PDLIM3: variants seen among roughly 807,000 people sequenced by gnomAD.
The protein encoded by PDLIM3 is PDZ and LIM domain 3.
In PDLIM3, 36 loss-of-function variants were observed where a neutral mutation model predicts 37.3. The ratio of observed to expected loss-of-function variants is 0.97; its 90% CI spans 0.74 to 1.28. The LOEUF is 1.28. Ranked by LOEUF, PDLIM3 falls within the 50% of genes most tolerant of loss-of-function variation. The pLI is 0.00. For synonymous variants in PDLIM3, 174 were observed against 182.4 expected (o/e 0.95, Z 0.37); for missense variants, 454 against 485.0 (o/e 0.94, Z 0.60).
chr4:185,501,607 A>G lies in PDLIM3; in HGVS notation c.*687T>C, dbSNP rs1411616393. The stretch of plus-strand genomic sequence containing the variant: ...TTCTATCATCAGAAATTTTGTGCTC[A>G]TAAGAAAGAGTAATGAGTTATAAAA... On this transcript the variant is annotated 3_prime_UTR_variant, in exon 8 of 8. Coordinates refer to ENST00000284767, the MANE Select transcript of PDLIM3 (RefSeq NM_014476.6). 6.6e-6 allele frequency: 1 copy of G among 152,410 alleles called. No individual in the cohort carries two copies. The highest frequency in any genetic ancestry group is 1.5e-5 in the Non-Finnish European group (1 of 68,184). The allele number at this position is 152,410 out of a possible 1,614,324, so 9.4% of individuals were successfully genotyped here. A position where few individuals can be genotyped will look rare whatever the true frequency, so the allele number is the denominator to read the frequency against.
At chr4:185,512,579 G>T in intron 4 of PDLIM3, 1 of 799,110 alleles carries the variant, frequency 1.3e-6, no homozygotes, top group Non-Finnish European at 1.5e-6. Flanking sequence ...ATATACCTAG[G>T]ATTCTCTGAC....
intron 6 of PDLIM3, 47 bp downstream of exon 6, chr4:185,506,475 C>A: frequency 1.2e-6 from 2 of 1,611,322 alleles, no homozygotes; most frequent in Non-Finnish European, 8.5e-7. Context: ...CCGCCCCCTG[C>A]AGTGGCCTCT....
chr4:185,526,094 G>A (rs2095733667), intron 1 of PDLIM3, among the ~76,000 whole-genome samples: 1 of 152,242 alleles, frequency 6.6e-6, no homozygotes, highest in African/African-American at 2.4e-5. Context: ...GCAAAGGCAA[G>A]ACATGAGCAC....
intron 4 of PDLIM3, among the ~76,000 whole-genome samples, chr4:185,509,529 A>T (rs2095703359): frequency 6.6e-6 from 1 of 152,240 alleles, no homozygotes; most frequent in Non-Finnish European, 1.5e-5. Context: ...GATAGGGGTC[A>T]GTTAACAACT....
chr4:185,505,583 T>TG (rs2095695345), intron 6 of PDLIM3, among the ~76,000 whole-genome samples: 1 of 150,844 alleles, frequency 6.6e-6, no homozygotes, highest in African/African-American at 2.4e-5. Context: ...ATTGTGCCAC[T>TG]CACTCTAGCC....
chr4:185,503,368 C>A (rs551020201), intron 7 of PDLIM3, among the ~76,000 whole-genome samples: 1 of 152,208 alleles, frequency 6.6e-6, no homozygotes, highest in South Asian at 2.1e-4. Flanking sequence ...CTTCTGGTAA[C>A]GTCAGGCACT....
intron 4 of PDLIM3, chr4:185,512,985 C>T: frequency 2.0e-6 from 2 of 985,376 alleles, no homozygotes; most frequent in Non-Finnish European, 2.4e-6. Flanking sequence ...CTTCTTGCCA[C>T]TTGCTTGGGA....
intron 3 of PDLIM3, among the ~76,000 whole-genome samples, chr4:185,518,476 A>G (rs2095718045): frequency 6.6e-6 from 1 of 152,068 alleles, no homozygotes; most frequent in African/African-American, 2.4e-5. Flanking sequence ...ATATGTATAC[A>G]TATGTGTATA....
intron 4 of PDLIM3, chr4:185,513,873 T>G: frequency 8.6e-7 from 1 of 1,160,862 alleles, no homozygotes; most frequent in South Asian, 1.9e-5. Flanking sequence ...TCATTCTGGC[T>G]TGTTCACCTG....
rs577528031 is a variant in PDLIM3, at chr4:185,503,032, C to T, written c.906-549G>A. On this transcript the variant is annotated intron_variant, in intron 7 of 7. Transcript: ENST00000284767. ...CACAAGGTCAGGAGATCGAGACCAT[C>T]CTGGCTAACACGGTGAAACCCCATC... 3.3e-5 allele frequency among the ~76,000 whole-genome samples: 5 copies of T among 152,212 alleles called. No homozygotes were observed. In the South Asian group the frequency reaches 8.3e-4, roughly 25 times the overall value.
chr4:185,526,466 A>G (rs986405415), intron 1 of PDLIM3, among the ~76,000 whole-genome samples: 35 of 152,372 alleles, frequency 2.3e-4, no homozygotes, highest in African/African-American at 8.2e-4. Context: ...GCAGGAATAA[A>G]AGAAATACTT....
rs1260924667 is a variant in PDLIM3, at chr4:185,508,348, T to A, written c.613A>T (p.Thr205Ser). ...GCTGTTGAAACCTGACCCTGGAGTGTTTCCATAATATTGTCATCTGAGTAC... is the reference window on the plus strand; with the variant it reads ...GCTGTTGAAACCTGACCCTGGAGTGATTCCATAATATTGTCATCTGAGTAC... Reference protein sequence around the residue: ...QLYSDDNIMETLQGQVSTALG... With the variant: ...QLYSDDNIMESLQGQVSTALG... Residue 205 changes from threonine (T) to serine (S), a missense_variant, in exon 5 of 8, where the codon ACA (threonine) becomes TCA (serine). Physicochemically the swap from Thr to Ser is moderately conservative, Grantham distance 58 (BLOSUM62 1). Transcript: ENST00000284767. 1.2e-6 allele frequency: 2 copies of A among 1,614,046 alleles called. No homozygotes were observed. The highest frequency in any genetic ancestry group is 1.7e-6 in the Non-Finnish European group (2 of 1,180,014).
At chr4:185,512,128 G>A (rs1184983415) in intron 4 of PDLIM3, 2 of 131,452 alleles carry the variant, frequency 1.5e-5, no homozygotes, top group African/African-American at 2.9e-5. Flanking sequence ...GGAGTCTCAC[G>A]CTTGTTGCAG....
At position 185,514,246 on chromosome 4, in the gene PDLIM3, C is replaced by A; in HGVS notation, c.398+24G>T. Reference sequence around the variant, plus strand: ...TGATTTAAGAAGCATGCACTGCAAACTCCACAGTCTCAGCGCTTATGACCT... The same window carrying A: ...TGATTTAAGAAGCATGCACTGCAAAATCCACAGTCTCAGCGCTTATGACCT... On this transcript the variant is annotated intron_variant, in intron 4 of 7. Transcript: ENST00000284767. The surrounding 1 kb of genome is among the most constrained non-coding windows in gnomAD (Gnocchi z 4.0). The A allele has an allele frequency of 6.2e-7, 1 of 1,614,226 alleles. No homozygotes were observed. Among genetic ancestry groups the A allele is most frequent in the South Asian group, 1.1e-5 (1 of 91,090 alleles).
Position 185,504,437 on chromosome 4 carries a change from G to A in PDLIM3, c.905+38C>T. 1 of 1,501,974 alleles carries A rather than the reference G, an allele frequency of 6.7e-7. No individual in the cohort carries two copies. Among genetic ancestry groups the A allele is most frequent in the Non-Finnish European group, 9.3e-7 (1 of 1,079,038 alleles). 93.0% of individuals were successfully genotyped at this position (1,501,974 alleles called of 1,614,324 possible). ...AGGAGAAGAAATGAACTGTCGCCAA[G>A]CTGTATCGTAAATTCCAGGGTTAAA... On this transcript the variant is annotated intron_variant, in intron 7 of 7. Transcript: ENST00000284767. The surrounding 1 kb of genome is among the most constrained non-coding windows in gnomAD (Gnocchi z 4.7).
chr4:185,531,820 G>A lies in PDLIM3; in HGVS notation c.93+3522C>T, dbSNP rs186580462. Among the ~76,000 whole-genome samples the A allele has an allele frequency of 3.3e-5, 5 of 152,014 alleles. No homozygotes were observed. The East Asian group carries it at 5.8e-4, about 18-fold the overall frequency. ...TTTAAAACTGACACATCAGCCAGGC[G>A]TGGTGGCTCACGACTGTAATCACTT... On this transcript the variant is annotated intron_variant, in intron 1 of 7. Transcript: ENST00000284767.
chr4:185,523,971 C>T (rs2095728119), intron 2 of PDLIM3, among the ~76,000 whole-genome samples: 1 of 151,048 alleles, frequency 6.6e-6, no homozygotes, highest in Admixed American at 6.6e-5. Context: ...ATAAAAATTG[C>T]CTGGAGTACA....
intron 1 of PDLIM3, 75 bp downstream of exon 1, chr4:185,535,267 G>A: frequency 1.5e-6 from 2 of 1,342,152 alleles, no homozygotes; most frequent in East Asian, 5.3e-5. Flanking sequence ...CCTCGGCCCC[G>A]GGGCATCCAC....
intron 3 of PDLIM3, among the ~76,000 whole-genome samples, chr4:185,521,376 C>T (rs1458387502): frequency 3.7e-5 from 2 of 53,854 alleles, no homozygotes; most frequent in African/African-American, 6.3e-5. Flanking sequence ...GCCTAAGTAT[C>T]CCACTCAACT....
Sources: allele counts gnomAD v4.1 joint callset (sites outside exome capture counted in the v4.1 genomes callset), GRCh38; gene constraint gnomAD v4.1.1; non-coding constraint Gnocchi (gnomAD v3.1); transcripts MANE v1.5; gene names NCBI Gene and HGNC (gene_info 2026-07-23, HGNC 2026-07-21).